The following KCNIP4 variants were observed in gnomAD, a reference collection of about 807,000 sequenced individuals.
The protein encoded by KCNIP4 is Kv channel-interacting protein 4.
KCNIP4 carries 12 observed loss-of-function variants against 34.0 expected under a neutral mutation model. The observed-to-expected ratio is 0.35, with a 90% CI of 0.23 to 0.57. The LOEUF (loss-of-function observed/expected upper bound fraction) is 0.57. Among genes scored for constraint, KCNIP4 ranks in the 20% least tolerant of loss-of-function variants. The pLI, the probability that KCNIP4 is intolerant of heterozygous loss-of-function variation, is 0.83. For synonymous variants in KCNIP4, 124 were observed against 102.2 expected, an observed-to-expected ratio of 1.21 and a Z score of -1.29; for missense variants, 238 against 311.7, an observed-to-expected ratio of 0.76 and a Z score of 1.78.
chr4:21,566,367 T>C (rs1057482963), intron 1 of KCNIP4, among the ~76,000 whole-genome samples: 8 of 152,084 alleles, frequency 5.3e-5, no homozygotes, highest in African/African-American at 1.4e-4. Context: ...GAGGGGCCTA[T>C]TGGGAAGTGA....
intron 3 of KCNIP4, among the ~76,000 whole-genome samples, chr4:20,768,332 G>A (rs1413687258): frequency 6.6e-6 from 1 of 152,080 alleles, no homozygotes; most frequent in Admixed American, 6.6e-5. Flanking sequence ...TAGTCATGGG[G>A]GTTCCGATAT....
intron 3 of KCNIP4, among the ~76,000 whole-genome samples, chr4:20,833,434 G>A (rs142389572): frequency 0.027 from 4,056 of 151,948 alleles, 97 homozygotes; most frequent in African/African-American, 0.065. Context: ...GCAGTGCGCC[G>A]ACATTGTGCC....
At chr4:21,820,622 TAATCAA>T (rs1282760326) in intron 1 of KCNIP4, among the ~76,000 whole-genome samples, 2 of 152,112 alleles carry the variant, frequency 1.3e-5, no homozygotes, top group Non-Finnish European at 2.9e-5. Flanking sequence ...GTTGTGACCT[TAATCAA>T]ATGTAATTTT....
intron 1 of KCNIP4, among the ~76,000 whole-genome samples, chr4:21,685,996 T>A (rs1202978128): frequency 6.6e-6 from 1 of 152,256 alleles, no homozygotes; most frequent in Non-Finnish European, 1.5e-5. Flanking sequence ...AAGCTTTTTA[T>A]AGAACTGGCT....
intron 1 of KCNIP4, among the ~76,000 whole-genome samples, chr4:21,001,332 T>C (rs1415704177): frequency 1.3e-5 from 2 of 152,200 alleles, no homozygotes; most frequent in Non-Finnish European, 2.9e-5. Flanking sequence ...GAAAATGTAA[T>C]AAGTAACTAA....
intron 1 of KCNIP4, among the ~76,000 whole-genome samples, chr4:21,879,216 T>G (rs2109380901): frequency 6.6e-6 from 1 of 152,326 alleles, no homozygotes; most frequent in Admixed American, 6.5e-5. Context: ...TAGAGAGGTC[T>G]GAAAAGCTTA....
chr4:20,790,326 A>G (rs571767876), intron 3 of KCNIP4, among the ~76,000 whole-genome samples: 14 of 152,300 alleles, frequency 9.2e-5, no homozygotes, highest in African/African-American at 3.1e-4. Flanking sequence ...GGCCTAGGAC[A>G]TTGCTGTACA....
chr4:21,593,182 C>T (rs1172390259), intron 1 of KCNIP4, among the ~76,000 whole-genome samples: 1 of 151,194 alleles, frequency 6.6e-6, no homozygotes, highest in Non-Finnish European at 1.5e-5. Flanking sequence ...TCCTGCTACT[C>T]CATAGATACC....
chr4:21,450,105 G>A (rs560427403), intron 1 of KCNIP4, among the ~76,000 whole-genome samples: 71 of 151,990 alleles, frequency 4.7e-4, no homozygotes, highest in Non-Finnish European at 7.8e-4. Flanking sequence ...TATCACTAGC[G>A]GGGAAACAAA....
intron 1 of KCNIP4, among the ~76,000 whole-genome samples, chr4:21,415,960 C>T (rs772338080): frequency 1.3e-5 from 2 of 152,106 alleles, no homozygotes; most frequent in African/African-American, 4.8e-5. Context: ...ACTCTTCCGA[C>T]GTAGGCATTT....
intron 1 of KCNIP4, among the ~76,000 whole-genome samples, chr4:20,909,592 A>G (rs1728134609): frequency 6.6e-6 from 1 of 152,088 alleles, no homozygotes; most frequent in Non-Finnish European, 1.5e-5. Flanking sequence ...CCCCTTAGTC[A>G]TTTCTGCTGT....
intron 1 of KCNIP4, among the ~76,000 whole-genome samples, chr4:21,713,253 T>TA (rs1273777097): frequency 6.6e-6 from 1 of 152,188 alleles, no homozygotes; most frequent in Non-Finnish European, 1.5e-5. Context: ...TGGGAGTTGT[T>TA]ACTGCTGCTG....
intron 1 of KCNIP4, among the ~76,000 whole-genome samples, chr4:21,645,704 C>A (rs6448067): frequency 0.45 from 68,808 of 151,776 alleles, 16,184 homozygotes; most frequent in African/African-American, 0.52. Flanking sequence ...CAAACCTATA[C>A]TCCACAATTT....
intron 1 of KCNIP4, among the ~76,000 whole-genome samples, chr4:21,029,161 T>TC (rs1490434624): frequency 1.3e-5 from 2 of 152,216 alleles, no homozygotes; most frequent in East Asian, 3.8e-4. Flanking sequence ...ATTTGTTAAA[T>TC]CAATCTATGA....
chr4:21,279,384 A>T (rs1434545605), intron 1 of KCNIP4, among the ~76,000 whole-genome samples: 1 of 151,982 alleles, frequency 6.6e-6, no homozygotes, highest in Non-Finnish European at 1.5e-5. Context: ...TAGTACTTTA[A>T]TTAAAGTCAA....
At chr4:20,899,803 G>C (rs1160521237) in intron 1 of KCNIP4, among the ~76,000 whole-genome samples, 1 of 152,068 alleles carries the variant, frequency 6.6e-6, no homozygotes, top group Non-Finnish European at 1.5e-5. Flanking sequence ...TAGCCTTATG[G>C]AAAAATCCAC....
At chr4:21,617,311 G>C (rs1382366355) in intron 1 of KCNIP4, among the ~76,000 whole-genome samples, 2 of 152,166 alleles carry the variant, frequency 1.3e-5, no homozygotes, top group African/African-American at 2.4e-5. Context: ...CCTCTGCTAT[G>C]AGAATCACAG....
intron 1 of KCNIP4, among the ~76,000 whole-genome samples, chr4:20,909,017 G>T (rs1728072605): frequency 1.3e-5 from 2 of 152,122 alleles, no homozygotes; most frequent in African/African-American, 2.4e-5. Context: ...AATAGGGATT[G>T]GTCAAATTCA....
At chr4:21,110,963 G>GTAA (rs1332378404) in intron 1 of KCNIP4, among the ~76,000 whole-genome samples, 22 of 152,120 alleles carry the variant, frequency 1.4e-4, no homozygotes, top group Admixed American at 3.9e-4. Flanking sequence ...TAAGTTTTAG[G>GTAA]CTTCTTGGTT....
Sources: gnomAD v4.1 joint callset for allele counts (sites outside exome capture counted in the v4.1 genomes callset) on GRCh38, gnomAD v4.1.1 for gene constraint, MANE v1.5 for transcripts, NCBI Gene and HGNC (gene_info 2026-07-23, HGNC 2026-07-21) for gene names.